ADD2: variants seen among roughly 807,000 people sequenced by gnomAD.
ADD2 encodes the protein beta-adducin.
ADD2 carries 23 observed loss-of-function variants against 83.0 expected under a neutral mutation model. The observed-to-expected ratio is 0.28, with a 90% CI of 0.20 to 0.39. The LOEUF (loss-of-function observed/expected upper bound fraction) is 0.39. Among genes scored for constraint, ADD2 ranks in the 10% least tolerant of loss-of-function variants. The pLI is 1.00. For synonymous variants in ADD2, 375 were observed against 375.4 expected, an observed-to-expected ratio of 1.00 and a Z score of 0.01; for missense variants, 758 against 944.9, an observed-to-expected ratio of 0.80 and a Z score of 2.59.
rs1574226343 is a variant in ADD2 at position 70,676,520 on chromosome 2, G to T, written c.1593+276C>A. On this transcript the variant is annotated intron_variant, in intron 13 of 15. Coordinates refer to ENST00000264436, the MANE Select transcript of ADD2 (RefSeq NM_001617.4). The surrounding 1 kb of genome is among the most constrained non-coding windows in gnomAD (Gnocchi z 4.8). ...AAGGGAGGACAGAGTGGAGTTCCAT[G>T]GCAGGAGGTACGGAAGCCGGCCGCA... 1 of 1,381,074 alleles carries T rather than the reference G, an allele frequency of 7.2e-7. No homozygotes were observed. The highest frequency in any genetic ancestry group is 2.7e-5 in the East Asian group (1 of 37,612). 85.6% of individuals were successfully genotyped at this position (1,381,074 alleles called of 1,614,324 possible). A position where few individuals can be genotyped will look rare whatever the true frequency, so the allele number is the denominator to read the frequency against.
intron 1 of ADD2, among the ~76,000 whole-genome samples, chr2:70,750,738 A>T (rs1242664056): frequency 6.6e-6 from 1 of 152,210 alleles, no homozygotes; most frequent in Non-Finnish European, 1.5e-5. Context: ...AGTTATGTCA[A>T]GCCATCTCCA....
intron 1 of ADD2, among the ~76,000 whole-genome samples, chr2:70,716,897 A>G (rs1455559079): frequency 2.0e-5 from 3 of 152,192 alleles, no homozygotes; most frequent in Admixed American, 6.5e-5. Flanking sequence ...GAACCCAGCA[A>G]CAGATTGCAA....
intron 1 of ADD2, among the ~76,000 whole-genome samples, chr2:70,764,635 T>C (rs1553385650): frequency 6.6e-6 from 1 of 151,986 alleles, no homozygotes; most frequent in Non-Finnish European, 1.5e-5. Flanking sequence ...ATCACTGGAA[T>C]AGGCCAGGCA....
chr2:70,660,209 G>C lies in ADD2; in HGVS notation c.*3216C>G, dbSNP rs1675493428. 6.6e-6 allele frequency: 1 copy of C among 152,132 alleles called. No individual in the cohort carries two copies. 9.4% of individuals were successfully genotyped at this position (152,132 alleles called of 1,614,324 possible). On this transcript the variant is annotated 3_prime_UTR_variant, in exon 16 of 16. Coordinates refer to ENST00000264436, the MANE Select transcript of ADD2 (RefSeq NM_001617.4). ...GCAAGGGAAGAAGAAATGGCAGGAT[G>C]GCTGGACACCTCTCCCAGCAATTCT...
chr2:70,734,013 G>A (rs1314612327), intron 1 of ADD2, among the ~76,000 whole-genome samples: 2 of 152,130 alleles, frequency 1.3e-5, no homozygotes, highest in African/African-American at 4.8e-5. Flanking sequence ...TCTGGCCTCA[G>A]CAGTGCCTTC....
chr2:70,767,624 G>A (rs1479408712), intron 1 of ADD2: 2 of 1,291,242 alleles, frequency 1.5e-6, no homozygotes, highest in Non-Finnish European at 2.0e-6. Context: ...TTACGCTCCG[G>A]GCGAGGGTCC....
chr2:70,721,756 TAG>T (rs1403095755), intron 1 of ADD2, among the ~76,000 whole-genome samples: 32 of 152,166 alleles, frequency 2.1e-4, no homozygotes, highest in African/African-American at 7.0e-4. Flanking sequence ...CAATTAAAAT[TAG>T]AGATACAAAA....
chr2:70,753,429 G>A (rs1445049672), intron 1 of ADD2, among the ~76,000 whole-genome samples: 1 of 152,082 alleles, frequency 6.6e-6, no homozygotes, highest in African/African-American at 2.4e-5. Context: ...GAGGGGGGAA[G>A]GAAGAAAGAG....
chr2:70,727,277 C>T (rs1184677352), intron 1 of ADD2, among the ~76,000 whole-genome samples: 1 of 152,164 alleles, frequency 6.6e-6, no homozygotes, highest in Non-Finnish European at 1.5e-5. Context: ...TTACTCCAGA[C>T]AAAGCCCATA....
chr2:70,670,409 A>G (rs896630508), intron 15 of ADD2, among the ~76,000 whole-genome samples: 4 of 152,224 alleles, frequency 2.6e-5, no homozygotes, highest in African/African-American at 7.2e-5. Flanking sequence ...TCATGTGATC[A>G]TGTGATGTCA....
intron 1 of ADD2, among the ~76,000 whole-genome samples, chr2:70,719,778 C>T (rs1553377012): frequency 1.3e-5 from 2 of 152,188 alleles, no homozygotes; most frequent in African/African-American, 4.8e-5. Context: ...CTGCCTTTGG[C>T]CTTCAGGCAA....
intron 3 of ADD2, 144 bp from the exon 4 acceptor site, chr2:70,704,603 G>A: frequency 1.2e-6 from 1 of 868,178 alleles, no homozygotes; most frequent in Non-Finnish European, 1.8e-6. Flanking sequence ...GGGACACTGA[G>A]CAGTTCCACT....
rs552037247 is a variant in ADD2, at chr2:70,662,956, T to C, written c.*469A>G. ...GACCCAAAGTGGAAAAGAGAAGAGA[T>C]TTTTAAATGTAGAGATAGCTCCATC... On this transcript the variant is annotated 3_prime_UTR_variant, in exon 16 of 16. Coordinates refer to ENST00000264436, the MANE Select transcript of ADD2 (RefSeq NM_001617.4). 1 of 155,620 alleles carries C rather than the reference T, an allele frequency of 6.4e-6. No homozygotes were observed. The highest frequency in any genetic ancestry group is 1.4e-5 in the Non-Finnish European group (1 of 70,204). 9.6% of individuals were successfully genotyped at this position (155,620 alleles called of 1,614,324 possible).
At chr2:70,741,945 T>C (rs1673940505) in intron 1 of ADD2, among the ~76,000 whole-genome samples, 1 of 152,212 alleles carries the variant, frequency 6.6e-6, no homozygotes, top group Non-Finnish European at 1.5e-5. Flanking sequence ...AATTTTGACA[T>C]TTCTCTAATC....
intron 1 of ADD2, among the ~76,000 whole-genome samples, chr2:70,737,270 G>A (rs1310518817): frequency 6.6e-6 from 1 of 152,166 alleles, no homozygotes; most frequent in African/African-American, 2.4e-5. Flanking sequence ...AAAGGCACAT[G>A]CACAAGTATG....
In ADD2 at chr2:70,677,658, C is replaced by G; in HGVS notation, c.1503+100G>C. 2.0e-6 allele frequency: 3 copies of G among 1,478,016 alleles called. No homozygotes were observed. The South Asian group carries it at 3.8e-5, about 19-fold the overall frequency. 91.6% of individuals were successfully genotyped at this position (1,478,016 alleles called of 1,614,324 possible). A position where few individuals can be genotyped will look rare whatever the true frequency, so the allele number is the denominator to read the frequency against. On this transcript the variant is annotated intron_variant, in intron 12 of 15. Coordinates refer to ENST00000264436, the MANE Select transcript of ADD2 (RefSeq NM_001617.4). ...CTCTCCTGTGAGGCATGTGAGATGT[C>G]AGCGAGTCAGGCACATCCTGGGAAC...
chr2:70,680,109 C>T (rs782758173), intron 10 of ADD2, among the ~76,000 whole-genome samples: 4 of 152,032 alleles, frequency 2.6e-5, no homozygotes, highest in African/African-American at 9.7e-5. Context: ...CCTTTTGTGC[C>T]GTGCTTGATA....
At chr2:70,745,025 G>A (rs1042724879) in intron 1 of ADD2, among the ~76,000 whole-genome samples, 3 of 152,152 alleles carry the variant, frequency 2.0e-5, no homozygotes, top group Non-Finnish European at 2.9e-5. Flanking sequence ...GGTGGCTCAC[G>A]ATTGTAATCC....
At chr2:70,694,125 A>G (rs1272321332) in intron 6 of ADD2, among the ~76,000 whole-genome samples, 1 of 152,216 alleles carries the variant, frequency 6.6e-6, no homozygotes, top group Non-Finnish European at 1.5e-5. Context: ...CACACAATTC[A>G]TAAACATCTC....
Sources: gnomAD v4.1 joint callset for allele counts (sites outside exome capture counted in the v4.1 genomes callset) on GRCh38, gnomAD v4.1.1 for gene constraint, Gnocchi (gnomAD v3.1) non-coding constraint, MANE v1.5 for transcripts, NCBI Gene and HGNC (gene_info 2026-07-23, HGNC 2026-07-21) for gene names.